TBC1D9: variants seen among roughly 807,000 people sequenced by gnomAD.
TBC1D9 encodes the protein TBC1 domain family member 9A.
A neutral mutation model predicts 132.0 loss-of-function variants in TBC1D9; 63 were observed. That is an observed-to-expected ratio of 0.48 (90% CI 0.39 to 0.59). The LOEUF (loss-of-function observed/expected upper bound fraction) is 0.59. Among genes scored for constraint, TBC1D9 ranks in the 20% least tolerant of loss-of-function variants. The pLI is 0.00. For synonymous variants in TBC1D9, 610 were observed against 609.9 expected (o/e 1.00, Z 0.00); for missense variants, 1,261 against 1,592.7 (o/e 0.79, Z 3.54).
At chr4:140,749,972 A>G (rs1464725263) in intron 1 of TBC1D9, among the ~76,000 whole-genome samples, 1 of 152,110 alleles carries the variant, frequency 6.6e-6, no homozygotes, top group African/African-American at 2.4e-5. Context: ...CTTGAAAATC[A>G]GTTACTATAA....
chr4:140,698,523 G>A (rs966124480), intron 2 of TBC1D9, among the ~76,000 whole-genome samples: 1 of 152,196 alleles, frequency 6.6e-6, no homozygotes, highest in Admixed American at 6.5e-5. Context: ...GCCGAGGTGG[G>A]CGGATCATGA....
chr4:140,725,224 A>G (rs1738480291), intron 1 of TBC1D9, among the ~76,000 whole-genome samples: 1 of 152,272 alleles, frequency 6.6e-6, no homozygotes. Flanking sequence ...ATCATAAAAA[A>G]TAAAAAGCAA....
chr4:140,643,829 C>T (rs1012593222), intron 13 of TBC1D9: 20 of 722,386 alleles, frequency 2.8e-5, no homozygotes, highest in Middle Eastern at 2.8e-4. Context: ...GGGCCTCCAA[C>T]GGGCCACCTC....
At chr4:140,720,820 C>A (rs1375738040) in intron 1 of TBC1D9, among the ~76,000 whole-genome samples, 3 of 152,190 alleles carry the variant, frequency 2.0e-5, no homozygotes, top group Non-Finnish European at 4.4e-5. Flanking sequence ...CAAGTTCCAG[C>A]CTCAGCAGGT....
intron 5 of TBC1D9, 150 bp downstream of exon 5, chr4:140,678,792 G>A: frequency 1.1e-6 from 1 of 920,708 alleles, no homozygotes; most frequent in East Asian, 2.5e-5. Context: ...TGAACTGGTA[G>A]CACCTCAGCT....
chr4:140,657,534 A>C lies in TBC1D9; in HGVS notation c.2200T>G (p.Leu734Val). The change falls in exon 12 of 21, where the codon TTG becomes GTG. Residue 734 changes from leucine to valine, a missense_variant. Physicochemically the swap from Leu to Val is conservative, Grantham distance 32. Coordinates refer to ENST00000442267, the MANE Select transcript of TBC1D9 (RefSeq NM_015130.3). ...CKDDGEAMTV[L>V]GRYLDSVTNK... ...TTAGGCTTAGTACAATACCTTCCCA[A>C]AACGGTCATGGCCTCCCCATCATCC... 1.9e-6 allele frequency: 3 copies of C among 1,613,018 alleles called. No homozygotes were observed. The highest frequency in any genetic ancestry group is 2.5e-6 in the Non-Finnish European group (3 of 1,179,372).
chr4:140,689,056 T>A (rs1737832629), intron 2 of TBC1D9, among the ~76,000 whole-genome samples: 1 of 152,088 alleles, frequency 6.6e-6, no homozygotes, highest in African/African-American at 2.4e-5. Context: ...TCAGATGGAC[T>A]GCACCTCAGG....
intron 1 of TBC1D9, among the ~76,000 whole-genome samples, chr4:140,710,374 C>T (rs1738224157): frequency 6.6e-6 from 1 of 152,066 alleles, no homozygotes; most frequent in Admixed American, 6.6e-5. Context: ...GGAGCGCCCA[C>T]TCTGTAGAAT....
At chr4:140,731,246 TGTTGGTC>T (rs1226513676) in intron 1 of TBC1D9, among the ~76,000 whole-genome samples, 1 of 152,154 alleles carries the variant, frequency 6.6e-6, no homozygotes, top group East Asian at 1.9e-4. Flanking sequence ...TTGGCTGTTG[TGTTGGTC>T]AAGAAGAGAG....
At chr4:140,700,170 C>T (rs1738042550) in intron 2 of TBC1D9, among the ~76,000 whole-genome samples, 1 of 151,926 alleles carries the variant, frequency 6.6e-6, no homozygotes, top group Admixed American at 6.6e-5. Flanking sequence ...AAATAAAAGT[C>T]CAGGCGCAGT....
chr4:140,648,115 T>C (rs895264540), intron 13 of TBC1D9, among the ~76,000 whole-genome samples: 4 of 152,196 alleles, frequency 2.6e-5, no homozygotes, highest in African/African-American at 9.6e-5. Context: ...GCTAGTTCAC[T>C]AATATCACAA....
intron 9 of TBC1D9, among the ~76,000 whole-genome samples, chr4:140,667,788 T>C (rs1479422108): frequency 6.6e-6 from 1 of 152,136 alleles, no homozygotes; most frequent in Non-Finnish European, 1.5e-5. Context: ...TAAATAAATA[T>C]AGAACAAACT....
Position 140,657,827 on chromosome 4 carries a change from T to C in TBC1D9, c.1922-15A>G. On this transcript the variant is annotated splice_polypyrimidine_tract_variant and intron_variant, in intron 11 of 20. Transcript: ENST00000442267. ...CACCAGTGCACCTGTGGCAGCGATG[T>C]ATACAAAAAGGCGCAGCTTAGCCAA... 1.2e-6 allele frequency: 2 copies of C among 1,602,166 alleles called. No individual in the cohort carries two copies. Among genetic ancestry groups the C allele is most frequent in the Non-Finnish European group, 1.7e-6 (2 of 1,174,552 alleles).
Position 140,708,944 on chromosome 4 carries a change from T to C in TBC1D9, c.131-7330A>G, listed in dbSNP as rs150977840. On this transcript the variant is annotated intron_variant, in intron 1 of 20. Transcript: ENST00000442267. ...GAGATTAGAAGGGCATGGATAGACA[T>C]GTAACCAATCCCAATACTTGGATAC... Among the ~76,000 whole-genome samples the C allele has an allele frequency of 1.5e-4, 23 of 152,260 alleles. No individual in the cohort carries two copies. The East Asian group carries it at 3.9e-3, about 26-fold the overall frequency.
chr4:140,730,034 C>T (rs1738563487), intron 1 of TBC1D9, among the ~76,000 whole-genome samples: 1 of 152,064 alleles, frequency 6.6e-6, no homozygotes, highest in African/African-American at 2.4e-5. Flanking sequence ...GGGTTTATGC[C>T]TTCCCCCGTA....
At chr4:140,739,365 C>T (rs188561674) in intron 1 of TBC1D9, among the ~76,000 whole-genome samples, 7 of 152,250 alleles carry the variant, frequency 4.6e-5, no homozygotes, top group African/African-American at 7.2e-5. Flanking sequence ...AGATCATCTT[C>T]CTCCCTCCTT....
At chr4:140,655,355 TATA>T (rs1301078480) in intron 13 of TBC1D9, among the ~76,000 whole-genome samples, 12 of 151,272 alleles carry the variant, frequency 7.9e-5, no homozygotes, top group African/African-American at 3.0e-4. Context: ...AAAAGATTTC[TATA>T]TCCATAGCAA....
chr4:140,661,593 C>T (rs13110303), intron 10 of TBC1D9, among the ~76,000 whole-genome samples: 54,282 of 152,042 alleles, frequency 0.36, 11,327 homozygotes, highest in South Asian at 0.47. Flanking sequence ...GTTCTCAACC[C>T]AGGATGATTC....
At chr4:140,688,671 G>A (rs970827663) in intron 2 of TBC1D9, among the ~76,000 whole-genome samples, 2 of 152,038 alleles carry the variant, frequency 1.3e-5, no homozygotes, top group Non-Finnish European at 2.9e-5. Flanking sequence ...CCTGTGGAGA[G>A]AGAGAGACTC....
Sources: allele counts gnomAD v4.1 joint callset (sites outside exome capture counted in the v4.1 genomes callset), GRCh38; gene constraint gnomAD v4.1.1; transcripts MANE v1.5; gene names NCBI Gene and HGNC (gene_info 2026-07-23, HGNC 2026-07-21).